FLNB: variants seen among roughly 807,000 people sequenced by gnomAD.
FLNB encodes filamin B.
In FLNB, 111 loss-of-function variants were observed where a neutral mutation model predicts 250.6. The observed-to-expected ratio is 0.44, with a 90% CI of 0.38 to 0.52. The LOEUF is 0.52. FLNB is among the 20% of genes least tolerant of loss of function. The probability of loss-of-function intolerance (pLI) is 0.00; values close to 1 mark genes in which losing one functional copy is unlikely to be tolerated. For missense variants in FLNB, 2,869 were observed against 3,447.8 expected (o/e 0.83, Z 4.20); for synonymous variants, 1,302 against 1,372.1 (o/e 0.95, Z 1.13).
rs2097320320 is a variant in FLNB at position 58,138,425 on chromosome 3, G to C, written c.5005G>C (p.Asp1669His). ...EAEADVIENE[D>H]GTYDIFYTAA... ...CGAGGCCGATGTCATTGAGAATGAA[G>C]ATGGAACCTATGACATCTTCTACAC... The change falls in exon 29 of 46, where the codon GAT becomes CAT. Residue 1669 changes from aspartate (D) to histidine (H), a missense_variant. Physicochemically the swap from Asp to His is moderately conservative, Grantham distance 81. Coordinates refer to ENST00000295956, the MANE Select transcript of FLNB (RefSeq NM_001457.4). The C allele has an allele frequency of 1.2e-6, 2 of 1,614,232 alleles. No individual in the cohort carries two copies. Among genetic ancestry groups the C allele is most frequent in the African/African-American group, 1.3e-5 (1 of 75,046 alleles).
intron 6 of FLNB, 85 bp from the exon 7 acceptor site, chr3:58,097,730 T>C (rs750659830): frequency 5.1e-5 from 66 of 1,300,302 alleles, no homozygotes; most frequent in Non-Finnish European, 7.1e-5. Flanking sequence ...GTAGGAGAGG[T>C]GATCATCAAT....
chr3:58,138,262 TC>T lies in FLNB; in HGVS notation c.4862-16del. 6.2e-7 allele frequency: 1 copy of T among 1,613,054 alleles called. No individual in the cohort carries two copies. Among genetic ancestry groups the T allele is most frequent in the African/African-American group, 1.3e-5 (1 of 75,010 alleles). ...ATGTGTGTCCATACTTCCATTCTCT[TC>T]CCCTGAACTCTTCTCCAGGTCCTGG... On this transcript the variant is annotated intron_variant, in intron 28 of 45. Transcript: ENST00000295956.
At chr3:58,070,112 G>T (rs1159039159) in intron 1 of FLNB, among the ~76,000 whole-genome samples, 3 of 146,414 alleles carry the variant, frequency 2.0e-5, no homozygotes, top group Non-Finnish European at 4.5e-5. Context: ...GCAGTGGTGT[G>T]ATCTCGGATC....
chr3:58,081,395 T>G (rs2097209093), intron 3 of FLNB, among the ~76,000 whole-genome samples: 1 of 152,178 alleles, frequency 6.6e-6, no homozygotes, highest in African/African-American at 2.4e-5. Flanking sequence ...CTTTTGGAAG[T>G]TACATGCAGA....
chr3:58,149,115 C>A (rs892081667), intron 36 of FLNB: 3 of 491,172 alleles, frequency 6.1e-6, no homozygotes, highest in Admixed American at 3.3e-5. Flanking sequence ...CACAACACCT[C>A]GCAAACCCCT....
intron 1 of FLNB, among the ~76,000 whole-genome samples, chr3:58,023,075 A>C (rs1009945618): frequency 6.6e-6 from 1 of 150,632 alleles, no homozygotes; most frequent in African/African-American, 2.4e-5. Context: ...CGGCCTCCTA[A>C]AGTGCTGGGA....
In FLNB at chr3:58,008,445, G is replaced by T. The variant is rs1319913648; in HGVS notation, c.-120G>T. ...GCAGAGCAGCACCGGCCGTGGCTCCGGTAGCAGCAAGTTCGAACCCCGCTC... is the reference window on the plus strand; with the variant it reads ...GCAGAGCAGCACCGGCCGTGGCTCCTGTAGCAGCAAGTTCGAACCCCGCTC... On this transcript the variant is annotated 5_prime_UTR_variant, in exon 1 of 46. Transcript: ENST00000295956. 41 of 1,227,646 alleles carry T rather than the reference G, an allele frequency of 3.3e-5. No homozygotes were observed. The highest frequency in any genetic ancestry group is 4.6e-5 in the Non-Finnish European group (40 of 863,352). The allele number at this position is 1,227,646 out of a possible 1,614,324, so 76.0% of individuals were successfully genotyped here. A position where few individuals can be genotyped will look rare whatever the true frequency, so the allele number is the denominator to read the frequency against.
chr3:58,107,011 A>ATTTG (rs543270582), intron 12 of FLNB, 138 bp downstream of exon 12: 12,418 of 727,676 alleles, frequency 0.017, 128 homozygotes, highest in Non-Finnish European at 0.021. Flanking sequence ...ACAGGCCTGC[A>ATTTG]TTTGTTTGTT....
chr3:58,148,314 C>G lies in FLNB; in HGVS notation c.5837C>G (p.Ser1946Cys), dbSNP rs369090637. 6.2e-7 allele frequency: 1 copy of G among 1,614,004 alleles called. No homozygotes were observed. The highest frequency in any genetic ancestry group is 8.5e-7 in the Non-Finnish European group (1 of 1,180,008). ...CTGACGGCCAGCATTAAGGCCCCAT[C>G]TGGCCGAGACGAGCCCTGTCTCCTG... Reference protein sequence around the residue: ...SSLTASIKAPSGRDEPCLLKR... With the variant: ...SSLTASIKAPCGRDEPCLLKR... The change falls in exon 35 of 46, where the codon TCT (serine) becomes TGT (cysteine). Residue 1946 changes from serine to cysteine, a missense_variant. This residue lies in a region of FLNB where 1,084 missense variants were observed against 1,315.5 expected (regional missense o/e 0.82). Transcript: ENST00000295956.
At chr3:58,105,482 G>A (rs879696520) in intron 11 of FLNB, among the ~76,000 whole-genome samples, 2 of 152,220 alleles carry the variant, frequency 1.3e-5, no homozygotes, top group African/African-American at 2.4e-5. Context: ...TAAACACTTA[G>A]CAAATAGTGT....
At chr3:58,060,925 A>C (rs1328272087) in intron 1 of FLNB, among the ~76,000 whole-genome samples, 2 of 152,138 alleles carry the variant, frequency 1.3e-5, no homozygotes, top group Non-Finnish European at 2.9e-5. Context: ...GGCAAAGTCC[A>C]TCTCCTGAGG....
At chr3:58,092,362 G>A (rs2097229427) in intron 4 of FLNB, among the ~76,000 whole-genome samples, 1 of 152,332 alleles carries the variant, frequency 6.6e-6, no homozygotes, top group East Asian at 1.9e-4. Flanking sequence ...TAAAGAAATA[G>A]GCTGGGCACA....
At chr3:58,149,310 C>T (rs768585301) in intron 36 of FLNB, 14 of 261,886 alleles carry the variant, frequency 5.3e-5, no homozygotes, top group East Asian at 9.8e-5. Context: ...GCTTGCCACA[C>T]CCCAGTGCCT....
Position 58,142,686 on chromosome 3 carries a change from A to T in FLNB, c.5218A>T (p.Asn1740Tyr). The T allele has an allele frequency of 6.2e-7, 1 of 1,614,236 alleles. No homozygotes were observed. The highest frequency in any genetic ancestry group is 8.5e-7 in the Non-Finnish European group (1 of 1,180,046). Residue 1740 changes from asparagine (N) to tyrosine (Y), a missense_variant, in exon 31 of 46, where the codon AAC becomes TAC. By Grantham distance (143) the Asn-to-Tyr change is moderately radical (BLOSUM62 -2). Around this residue, in one of 5 missense-constraint regions of FLNB, gnomAD observed 1,084 missense variants for 1,315.5 expected, o/e 0.82. Transcript: ENST00000295956. The surrounding 1 kb of genome is among the most constrained non-coding windows in gnomAD (Gnocchi z 4.3). ...GGCCTATGTCCCAGTGAGTGACATG[A>T]ACGGCCTGGGATTTAAGCCTTTTGA... Reference protein sequence around the residue: ...EEAYVPVSDMNGLGFKPFDLV... With the variant: ...EEAYVPVSDMYGLGFKPFDLV...
At chr3:58,055,323 T>C (rs2097168785) in intron 1 of FLNB, among the ~76,000 whole-genome samples, 1 of 151,738 alleles carries the variant, frequency 6.6e-6, no homozygotes, top group Non-Finnish European at 1.5e-5. Flanking sequence ...ACCTCTTCTG[T>C]AGATGGTAGG....
At chr3:58,089,568 G>A (rs1011857786) in intron 4 of FLNB, among the ~76,000 whole-genome samples, 7 of 148,810 alleles carry the variant, frequency 4.7e-5, no homozygotes, top group Non-Finnish European at 7.4e-5. Context: ...AAAAGGCTTC[G>A]GTAGGCAGTT....
At chr3:58,149,205 A>G (rs987753712) in intron 36 of FLNB, 5 of 354,720 alleles carry the variant, frequency 1.4e-5, no homozygotes, top group Admixed American at 7.8e-5. Context: ...TGATTGGCCA[A>G]GACCATGGTC....
intron 1 of FLNB, among the ~76,000 whole-genome samples, chr3:58,029,037 A>G (rs2097127214): frequency 6.6e-6 from 1 of 152,112 alleles, no homozygotes; most frequent in African/African-American, 2.4e-5. Flanking sequence ...AACTATAATC[A>G]GGTCACTGCA....
In FLNB at chr3:58,138,409, T is replaced by G. The variant is rs1411751945; in HGVS notation, c.4989T>G (p.Asp1663Glu). The G allele has an allele frequency of 6.2e-7, 1 of 1,614,232 alleles. No individual in the cohort carries two copies. Among genetic ancestry groups the G allele is most frequent in the Admixed American group, 1.7e-5 (1 of 60,036 alleles). ...LTPDGTEAEA[D>E]VIENEDGTYD... Reference sequence around the variant, plus strand: ...CAGATGGCACTGAGGCCGAGGCCGATGTCATTGAGAATGAAGATGGAACCT... The same window carrying G: ...CAGATGGCACTGAGGCCGAGGCCGAGGTCATTGAGAATGAAGATGGAACCT... Residue 1663 changes from aspartate to glutamate, a missense_variant, in exon 29 of 46, where the codon GAT becomes GAG. Asp to Glu is a conservative substitution (Grantham distance 45, BLOSUM62 2). Transcript: ENST00000295956.
Sources: allele counts gnomAD v4.1 joint callset (sites outside exome capture counted in the v4.1 genomes callset), GRCh38; gene constraint gnomAD v4.1.1; regional missense constraint gnomAD v4.1.1; non-coding constraint Gnocchi (gnomAD v3.1); transcripts MANE v1.5; gene names NCBI Gene and HGNC (gene_info 2026-07-23, HGNC 2026-07-21).